The following GSDMC variants were observed in gnomAD, a reference collection of about 807,000 sequenced individuals.
GSDMC encodes the protein gasdermin-C.
In GSDMC, 59 loss-of-function variants were observed where a neutral mutation model predicts 58.0. The ratio of observed to expected loss-of-function variants is 1.02; its 90% confidence interval spans 0.82 to 1.26. The LOEUF is 1.26. GSDMC is among the 50% of genes most tolerant of loss of function. GSDMC has a pLI of 0.00. For missense variants in GSDMC, 659 were observed against 598.5 expected (o/e 1.10, Z -1.06); for synonymous variants, 241 against 220.2 (o/e 1.09, Z -0.83).
rs1408072167 is a variant in GSDMC at position 129,786,463 on chromosome 8, A to G, written c.-457T>C. On this transcript the variant is annotated 5_prime_UTR_variant, in exon 1 of 14. Transcript: ENST00000276708. ...TCTGTTCACTGTTCTCTTCTCACCA[A>G]TGGGTCCCTGACTCAATTTCCAATG... The G allele has an allele frequency of 2.0e-5, 3 of 152,166 alleles. No individual in the cohort carries two copies. Among genetic ancestry groups the G allele is most frequent in the African/African-American group, 4.8e-5 (2 of 41,432 alleles). The allele number at this position is 152,166 out of a possible 1,614,324, so 9.4% of individuals were successfully genotyped here.
the GSDMC span, among the ~76,000 whole-genome samples, chr8:129,727,023 C>CACACACAT: frequency 0.19 from 28,623 of 150,082 alleles, 4,029 homozygotes; most frequent in African/African-American, 0.39. Context: ...CACACACACA[C>CACACACAT]ACCTATTCAC....
intron 6 of GSDMC, among the ~76,000 whole-genome samples, chr8:129,756,612 C>T (rs1186374353): frequency 1.3e-5 from 2 of 151,992 alleles, no homozygotes; most frequent in Non-Finnish European, 2.9e-5. Flanking sequence ...ATTTTTTTCT[C>T]CTCAGCACAT....
intron 6 of GSDMC, among the ~76,000 whole-genome samples, chr8:129,753,860 C>T (rs952081202): frequency 2.6e-5 from 4 of 152,172 alleles, no homozygotes; most frequent in African/African-American, 9.7e-5. Context: ...AGTGGCCTGG[C>T]AGAACCCCTC....
At chr8:129,705,520 G>A in the GSDMC span, 1 of 152,882 alleles carries the variant, frequency 6.5e-6, no homozygotes, top group Non-Finnish European at 1.5e-5. Context: ...TGCCAGAAGG[G>A]GAAGCAAACA....
intron 6 of GSDMC, among the ~76,000 whole-genome samples, chr8:129,754,526 T>C (rs1308917532): frequency 6.6e-6 from 1 of 151,654 alleles, no homozygotes; most frequent in African/African-American, 2.4e-5. Flanking sequence ...CTAAAATAAA[T>C]ACCTAATTCA....
At chr8:129,729,670 A>G in the GSDMC span, 3 of 423,272 alleles carry the variant, frequency 7.1e-6, no homozygotes, top group East Asian at 9.9e-5. Flanking sequence ...ATAGTATTCC[A>G]TGGTGTATAT....
At position 129,762,678 on chromosome 8, in the gene GSDMC, C is replaced by A. The variant is rs2033712572; in HGVS notation, c.624G>T (p.Gln208His). The A allele has an allele frequency of 1.2e-6, 2 of 1,614,062 alleles. No individual in the cohort carries two copies. Among genetic ancestry groups the A allele is most frequent in the Non-Finnish European group, 1.7e-6 (2 of 1,179,902 alleles). ...LRVKKKALTL[Q>H]KGMVMAYKRK... ...TCTTATAAGCCATCACCATGCCTTTCTGAAGAGTCAGCGCCTTCTTCTTCA... is the reference window on the plus strand; with the variant it reads ...TCTTATAAGCCATCACCATGCCTTTATGAAGAGTCAGCGCCTTCTTCTTCA... Residue 208 changes from glutamine to histidine, a missense_variant, in exon 5 of 14, where the codon CAG becomes CAT. Physicochemically the swap from Gln to His is conservative, Grantham distance 24. Coordinates refer to ENST00000276708, the MANE Select transcript of GSDMC (RefSeq NM_031415.3).
At chr8:129,710,133 G>A in the GSDMC span, among the ~76,000 whole-genome samples, 2 of 151,928 alleles carry the variant, frequency 1.3e-5, no homozygotes, top group South Asian at 4.1e-4. Context: ...TTTTTTTCTG[G>A]GTGCTTTGCA....
intron 1 of GSDMC, among the ~76,000 whole-genome samples, chr8:129,777,966 G>A (rs2034293912): frequency 6.6e-6 from 1 of 152,142 alleles, no homozygotes; most frequent in South Asian, 2.1e-4. Flanking sequence ...GTTGGAGTAG[G>A]AAAGCCTGGG....
chr8:129,757,340 G>A (rs1163735438), intron 6 of GSDMC, among the ~76,000 whole-genome samples: 1 of 151,940 alleles, frequency 6.6e-6, no homozygotes. Context: ...AACCTACCAA[G>A]ATTAAACCAT....
chr8:129,708,448 G>A, the GSDMC span, among the ~76,000 whole-genome samples: 1 of 152,236 alleles, frequency 6.6e-6, no homozygotes, highest in South Asian at 2.1e-4. Context: ...AGTTTGGGAT[G>A]AGAAGCAAAA....
intron 5 of GSDMC, 44 bp from the exon 6 acceptor site, chr8:129,760,633 T>A: frequency 1.6e-6 from 1 of 627,490 alleles, no homozygotes; most frequent in Non-Finnish European, 2.4e-6. Context: ...TTGAGGTTAT[T>A]CCTGCCTGAA....
the GSDMC span, among the ~76,000 whole-genome samples, chr8:129,729,495 G>A: frequency 1.3e-5 from 2 of 151,822 alleles, no homozygotes; most frequent in Non-Finnish European, 2.9e-5. Context: ...AGTGTGTGAT[G>A]TTCCCCTTCC....
chr8:129,735,841 C>A, the GSDMC span, among the ~76,000 whole-genome samples: 2 of 152,116 alleles, frequency 1.3e-5, no homozygotes, highest in Non-Finnish European at 2.9e-5. Context: ...ACACAAAAAA[C>A]CCTCAAAAAA....
intron 3 of GSDMC, among the ~76,000 whole-genome samples, chr8:129,768,433 G>A (rs2033939547): frequency 6.6e-6 from 1 of 152,112 alleles, no homozygotes; most frequent in South Asian, 2.1e-4. Flanking sequence ...GAATTCAGAA[G>A]TTCAATGAAC....
intron 1 of GSDMC, among the ~76,000 whole-genome samples, chr8:129,778,406 A>T (rs139282917): frequency 0.014 from 2,162 of 152,266 alleles, 59 homozygotes; most frequent in African/African-American, 0.049. Context: ...GCTAGCCATA[A>T]GCAGAAGAGT....
chr8:129,722,644 A>C, the GSDMC span, among the ~76,000 whole-genome samples: 1 of 152,188 alleles, frequency 6.6e-6, no homozygotes, highest in African/African-American at 2.4e-5. Context: ...ATTGATGTCT[A>C]TATCCCAATG....
chr8:129,748,809 T>G (rs2033047215), intron 13 of GSDMC, 69 bp from the exon 14 acceptor site: 8 of 1,295,020 alleles, frequency 6.2e-6, no homozygotes, highest in Non-Finnish European at 7.3e-6. Flanking sequence ...TCTGCCCCAG[T>G]ATCCAGGGGC....
At chr8:129,722,415 T>C in the GSDMC span, among the ~76,000 whole-genome samples, 1 of 152,218 alleles carries the variant, frequency 6.6e-6, no homozygotes, top group Non-Finnish European at 1.5e-5. Flanking sequence ...TACATAAGAA[T>C]TCACCTGTCA....
Sources: allele counts gnomAD v4.1 joint callset (sites outside exome capture counted in the v4.1 genomes callset), GRCh38; gene constraint gnomAD v4.1.1; transcripts MANE v1.5; gene names NCBI Gene and HGNC (gene_info 2026-07-23, HGNC 2026-07-21).